The following RPS6KC1 variants were observed in gnomAD, a reference collection of about 807,000 sequenced individuals.
RPS6KC1 encodes ribosomal protein S6 kinase C1, also known as inactive ribosomal protein S6 kinase delta-1.
A neutral mutation model predicts 103.8 loss-of-function variants in RPS6KC1; 54 were observed. The observed-to-expected ratio is 0.52, with a 90% CI of 0.42 to 0.65. The LOEUF (loss-of-function observed/expected upper bound fraction) is 0.65, where lower values mean the gene tolerates loss of function less well. RPS6KC1 is among the 30% of genes least tolerant of loss of function. The pLI is 0.00. For synonymous variants in RPS6KC1, 439 were observed against 438.7 expected (o/e 1.00, Z -0.01); for missense variants, 1,151 against 1,253.8 (o/e 0.92, Z 1.24).
At chr1:213,537,494 C>T in the RPS6KC1 span, among the ~76,000 whole-genome samples, 2 of 152,152 alleles carry the variant, frequency 1.3e-5, no homozygotes, top group African/African-American at 4.8e-5. Flanking sequence ...GATAATAACA[C>T]TCATGTCACA....
downstream of RPS6KC1, among the ~76,000 whole-genome samples, chr1:213,279,139 C>T (rs1441445769): frequency 2.0e-5 from 3 of 151,892 alleles, no homozygotes. Context: ...TTGCAGCCTA[C>T]AGTTAAAAGA....
At chr1:213,363,736 TTCTCTCTTCTTTC>T in the RPS6KC1 span, among the ~76,000 whole-genome samples, 25 of 130,088 alleles carry the variant, frequency 1.9e-4, 6 homozygotes, top group African/African-American at 7.0e-4. Context: ...CGTTCTTTCT[TTCTCTCTTCTTTC>T]TCTTTCTCTC....
chr1:213,681,981 C>T, the RPS6KC1 span, among the ~76,000 whole-genome samples: 1 of 152,160 alleles, frequency 6.6e-6, no homozygotes, highest in Non-Finnish European at 1.5e-5. Flanking sequence ...GGTTTCCCTG[C>T]TCTAAGCCAT....
the RPS6KC1 span, among the ~76,000 whole-genome samples, chr1:213,518,467 G>T: frequency 1.3e-5 from 2 of 152,174 alleles, no homozygotes; most frequent in Non-Finnish European, 1.5e-5. Context: ...CCAGAAGCTG[G>T]AAGAAGCAAG....
intron 6 of RPS6KC1, among the ~76,000 whole-genome samples, chr1:213,161,289 A>C (rs781197477): frequency 6.6e-6 from 1 of 152,248 alleles, no homozygotes; most frequent in South Asian, 2.1e-4. Flanking sequence ...ATTGTTTTCA[A>C]ATGTGATATA....
chr1:213,360,176 C>T, the RPS6KC1 span, among the ~76,000 whole-genome samples: 10 of 152,292 alleles, frequency 6.6e-5, no homozygotes, highest in South Asian at 4.1e-4. Flanking sequence ...CCATTCTCCC[C>T]GTCACTTTCA....
the RPS6KC1 span, among the ~76,000 whole-genome samples, chr1:213,710,867 G>GTT: frequency 6.6e-6 from 1 of 152,188 alleles, no homozygotes; most frequent in Non-Finnish European, 1.5e-5. Flanking sequence ...GGCTTGTAGG[G>GTT]TTTATGCAGA....
chr1:213,055,635 CTCTT>C (rs1212381366), intron 1 of RPS6KC1, among the ~76,000 whole-genome samples: 3 of 152,106 alleles, frequency 2.0e-5, no homozygotes, highest in Non-Finnish European at 2.9e-5. Context: ...AGTCTAAGTA[CTCTT>C]TCTTTCTCAA....
the RPS6KC1 span, among the ~76,000 whole-genome samples, chr1:213,480,280 T>A: frequency 1.3e-5 from 2 of 152,078 alleles, no homozygotes; most frequent in Admixed American, 1.3e-4. Context: ...TTTTATGTTC[T>A]TTAATAATGC....
intron 12 of RPS6KC1, among the ~76,000 whole-genome samples, chr1:213,250,265 G>T (rs534540282): frequency 4.6e-5 from 7 of 152,320 alleles, no homozygotes; most frequent in Non-Finnish European, 7.4e-5. Flanking sequence ...CCCAGCTGCT[G>T]CAGACTTCTC....
the RPS6KC1 span, among the ~76,000 whole-genome samples, chr1:213,781,676 C>T: frequency 6.6e-6 from 1 of 152,134 alleles, no homozygotes; most frequent in African/African-American, 2.4e-5. Context: ...CAGTGGCACT[C>T]ATCAGCAAGG....
intron 3 of RPS6KC1, among the ~76,000 whole-genome samples, chr1:213,080,284 G>T (rs759764493): frequency 6.6e-6 from 1 of 152,010 alleles, no homozygotes; most frequent in African/African-American, 2.4e-5. Flanking sequence ...TAAGGATTTA[G>T]CTTGTTTACC....
At chr1:213,468,092 C>T in the RPS6KC1 span, among the ~76,000 whole-genome samples, 4 of 152,244 alleles carry the variant, frequency 2.6e-5, no homozygotes, top group Non-Finnish European at 4.4e-5. Context: ...AAACACATTA[C>T]TTCCATTTCA....
the RPS6KC1 span, among the ~76,000 whole-genome samples, chr1:213,473,448 G>GA: frequency 6.6e-6 from 1 of 152,192 alleles, no homozygotes; most frequent in East Asian, 1.9e-4. Context: ...TTGCCAATGT[G>GA]AGGGGGGTGA....
the RPS6KC1 span, among the ~76,000 whole-genome samples, chr1:213,735,081 G>A: frequency 2.6e-5 from 4 of 152,120 alleles, no homozygotes; most frequent in Admixed American, 2.0e-4. Flanking sequence ...CCACCACCAC[G>A]CCCGGCTAAT....
the RPS6KC1 span, among the ~76,000 whole-genome samples, chr1:213,717,046 A>C: frequency 6.6e-6 from 1 of 152,198 alleles, no homozygotes; most frequent in African/African-American, 2.4e-5. Context: ...GCTGATTCCA[A>C]ATCTTTTTTT....
At chr1:213,265,411 T>C (rs2094890448) in intron 14 of RPS6KC1, among the ~76,000 whole-genome samples, 1 of 152,224 alleles carries the variant, frequency 6.6e-6, no homozygotes, top group South Asian at 2.1e-4. Flanking sequence ...CAGTTATTTA[T>C]AATGAAGAAG....
the RPS6KC1 span, among the ~76,000 whole-genome samples, chr1:213,605,122 G>C: frequency 2.0e-5 from 3 of 151,984 alleles, no homozygotes; most frequent in African/African-American, 7.3e-5. Flanking sequence ...TTAGCTTCTT[G>C]GTAGTTTTTT....
chr1:213,818,171 C>G, the RPS6KC1 span: 2 of 152,184 alleles, frequency 1.3e-5, no homozygotes, highest in Non-Finnish European at 2.9e-5. Flanking sequence ...GTTAATAACC[C>G]TACAATAGCT....
Sources: allele counts gnomAD v4.1 joint callset (sites outside exome capture counted in the v4.1 genomes callset), GRCh38; gene constraint gnomAD v4.1.1; transcripts MANE v1.5; gene names NCBI Gene and HGNC (gene_info 2026-07-23, HGNC 2026-07-21).